Variants in CDH18 observed in about 807,000 individuals in gnomAD.
CDH18 encodes cadherin-18.
A neutral mutation model predicts 67.9 loss-of-function variants in CDH18; 31 were observed. The ratio of observed to expected loss-of-function variants is 0.46; its 90% CI spans 0.34 to 0.62. CDH18 has a LOEUF of 0.62. CDH18 is among the 20% of genes least tolerant of loss of function. The probability of loss-of-function intolerance (pLI) is 0.01; values close to 1 mark genes in which losing one functional copy is unlikely to be tolerated. For synonymous variants in CDH18, 362 were observed against 347.2 expected (o/e 1.04, Z -0.48); for missense variants, 890 against 975.5 (o/e 0.91, Z 1.17).
intron 7 of CDH18, among the ~76,000 whole-genome samples, chr5:19,582,025 T>C (rs1457003872): frequency 6.6e-6 from 1 of 152,042 alleles, no homozygotes; most frequent in Admixed American, 6.6e-5. Flanking sequence ...AGGACACTGA[T>C]ACAAATAAAT....
chr5:19,539,066 C>A (rs1450860063), intron 9 of CDH18, among the ~76,000 whole-genome samples: 1 of 152,146 alleles, frequency 6.6e-6, no homozygotes, highest in African/African-American at 2.4e-5. Flanking sequence ...CATTAACAGG[C>A]AATTAAGCCA....
At chr5:20,030,116 T>C (rs1305408383) in intron 2 of CDH18, among the ~76,000 whole-genome samples, 1 of 152,184 alleles carries the variant, frequency 6.6e-6, no homozygotes, top group Non-Finnish European at 1.5e-5. Flanking sequence ...CATAAAAATG[T>C]CTAGGACCTT....
intron 2 of CDH18, among the ~76,000 whole-genome samples, chr5:20,081,649 T>C (rs1045810383): frequency 2.6e-5 from 4 of 152,040 alleles, no homozygotes; most frequent in Admixed American, 1.3e-4. Context: ...TGCAAAAACA[T>C]TGATGGAACT....
rs546620026 is a variant in CDH18 at position 20,143,351 on chromosome 5, ATTATTTAT to A, written c.-518+112085_-518+112092del. Among the ~76,000 whole-genome samples the A allele has an allele frequency of 3.9e-5, 6 of 152,060 alleles. No homozygotes were observed. In the East Asian group the frequency reaches 7.7e-4, roughly 20 times the overall value. On this transcript the variant is annotated intron_variant, in intron 2 of 14. Coordinates refer to the CDH18 transcript ENST00000507958. ...AAAAGTGGCATATTTAGATGAGAAC[ATTATTTAT>A]TTATTTATTTATTTACTTATTTATT...
chr5:19,783,603 C>T (rs1198340074), intron 3 of CDH18, among the ~76,000 whole-genome samples: 1 of 152,056 alleles, frequency 6.6e-6, no homozygotes, highest in East Asian at 1.9e-4. Flanking sequence ...CCAAGGAAAC[C>T]TCTGTCACCA....
intron 1 of CDH18, among the ~76,000 whole-genome samples, chr5:20,263,072 G>C (rs1744779074): frequency 6.6e-6 from 1 of 151,002 alleles, no homozygotes; most frequent in Non-Finnish European, 1.5e-5. Flanking sequence ...GAGGGAAAAA[G>C]AGGTCAATTT....
At chr5:19,510,633 C>A (rs1333408956) in intron 10 of CDH18, among the ~76,000 whole-genome samples, 1 of 151,878 alleles carries the variant, frequency 6.6e-6, no homozygotes, top group African/African-American at 2.4e-5. Context: ...TAGTAATTAC[C>A]TTTTTGATAT....
intron 1 of CDH18, among the ~76,000 whole-genome samples, chr5:20,349,032 AT>A (rs1171842994): frequency 6.6e-6 from 1 of 152,204 alleles, no homozygotes. Flanking sequence ...AAAGAAAAAC[AT>A]TACTCATCAA....
intron 1 of CDH18, among the ~76,000 whole-genome samples, chr5:20,279,610 A>G (rs2126692562): frequency 6.8e-6 from 1 of 146,306 alleles, no homozygotes; most frequent in Middle Eastern, 3.5e-3. Context: ...GAGGCAGGAG[A>G]ACCGCTTGAA....
At chr5:20,170,167 T>C (rs1464370570) in intron 2 of CDH18, among the ~76,000 whole-genome samples, 2 of 152,048 alleles carry the variant, frequency 1.3e-5, no homozygotes, top group East Asian at 3.9e-4. Flanking sequence ...GTCCTGATGC[T>C]TTCCCTCTTC....
At chr5:19,846,092 T>G (rs1415675871) in intron 2 of CDH18, among the ~76,000 whole-genome samples, 1 of 152,104 alleles carries the variant, frequency 6.6e-6, no homozygotes, top group Non-Finnish European at 1.5e-5. Flanking sequence ...TGTTTTCCTC[T>G]CTTGCTACCT....
At chr5:19,666,249 ATTATTATTAT>A (rs1439197372) in intron 5 of CDH18, among the ~76,000 whole-genome samples, 3 of 137,614 alleles carry the variant, frequency 2.2e-5, no homozygotes, top group African/African-American at 8.0e-5. Context: ...TATTATTATT[ATTATTATTAT>A]TATTATTATT....
At position 19,764,043 on chromosome 5, in the gene CDH18, C is replaced by T. The variant is rs539080999; in HGVS notation, c.229-16807G>A. The stretch of plus-strand genomic sequence containing the variant: ...ATTAGCTGGGTGTGGTGGCAGATGC[C>T]TGTAATCCCAGCTACTTGGGAGGCT... On this transcript the variant is annotated intron_variant, in intron 3 of 12. Transcript: ENST00000382275. Among the ~76,000 whole-genome samples, 7 of 146,098 alleles carry T rather than the reference C, an allele frequency of 4.8e-5. No homozygotes were observed. The South Asian group carries it at 1.3e-3, about 28-fold the overall frequency.
At chr5:20,172,232 A>ACG (rs1561848786) in intron 2 of CDH18, among the ~76,000 whole-genome samples, 6 of 122,680 alleles carry the variant, frequency 4.9e-5, no homozygotes, top group African/African-American at 1.9e-4. Context: ...ATGTATATAT[A>ACG]TATATATGTA....
chr5:19,856,885 G>A (rs1031904168), intron 2 of CDH18, among the ~76,000 whole-genome samples: 5 of 151,940 alleles, frequency 3.3e-5, no homozygotes, highest in Non-Finnish European at 7.4e-5. Flanking sequence ...TCACTGACTC[G>A]ATTTTTTTTT....
chr5:20,370,608 T>G (rs1742901366), intron 1 of CDH18, among the ~76,000 whole-genome samples: 1 of 152,186 alleles, frequency 6.6e-6, no homozygotes, highest in Non-Finnish European at 1.5e-5. Context: ...CAGGTGAAAT[T>G]TATGTGCAGT....
chr5:20,512,170 C>T (rs1755077454), intron 1 of CDH18, among the ~76,000 whole-genome samples: 1 of 151,960 alleles, frequency 6.6e-6, no homozygotes, highest in Non-Finnish European at 1.5e-5. Context: ...TTGCAGTAGG[C>T]CGAGATCAGG....
chr5:20,295,852 T>G (rs1344899341), intron 1 of CDH18, among the ~76,000 whole-genome samples: 6 of 148,890 alleles, frequency 4.0e-5, no homozygotes, highest in African/African-American at 1.2e-4. Flanking sequence ...ACATTTTATT[T>G]TATTTTCTTT....
intron 1 of CDH18, among the ~76,000 whole-genome samples, chr5:20,287,961 A>G (rs1746810412): frequency 1.3e-5 from 2 of 151,838 alleles, no homozygotes; most frequent in African/African-American, 2.4e-5. Flanking sequence ...CAGTTTTTGT[A>G]TTTGATGTAT....
Sources: gnomAD v4.1 joint callset for allele counts (sites outside exome capture counted in the v4.1 genomes callset) on GRCh38, gnomAD v4.1.1 for gene constraint, MANE v1.5 for transcripts, NCBI Gene and HGNC (gene_info 2026-07-23, HGNC 2026-07-21) for gene names.